RNF17: variants seen among roughly 807,000 people sequenced by gnomAD.
The protein encoded by RNF17 is ring finger protein 17.
Under a neutral mutation model 200.5 loss-of-function variants are expected in RNF17, and 31 were observed. The observed-to-expected ratio is 0.15, with a 90% CI of 0.12 to 0.21. The LOEUF is 0.21. Ranked by LOEUF, RNF17 falls within the 10% of genes least tolerant of loss-of-function variation. The pLI, the probability that RNF17 is intolerant of heterozygous loss-of-function variation, is 1.00. For synonymous variants in RNF17, 606 were observed against 637.8 expected, an observed-to-expected ratio of 0.95 and a Z score of 0.75; for missense variants, 1,628 against 1,905.1, an observed-to-expected ratio of 0.85 and a Z score of 2.71.
At chr13:24,850,623 T>C (rs1029667778) in intron 23 of RNF17, among the ~76,000 whole-genome samples, 180 bp downstream of exon 23, 3 of 152,244 alleles carry the variant, frequency 2.0e-5, no homozygotes, top group Non-Finnish European at 4.4e-5. Flanking sequence ...AAATATTCTT[T>C]GCTTTCTTTT....
At chr13:24,820,121 CTTTTTTT>C (rs200683421) in intron 15 of RNF17, among the ~76,000 whole-genome samples, 18 of 113,316 alleles carry the variant, frequency 1.6e-4, no homozygotes, top group Non-Finnish European at 2.7e-4. Context: ...TTTCTTTTTT[CTTTTTTT>C]TTTTTTTTTT....
intron 15 of RNF17, among the ~76,000 whole-genome samples, chr13:24,812,074 A>G (rs1264935110): frequency 1.3e-5 from 2 of 150,942 alleles, no homozygotes; most frequent in Admixed American, 6.7e-5. Flanking sequence ...TTAAGTCTGC[A>G]GAGGTTACTG....
chr13:24,754,323 C>A, the RNF17 span, among the ~76,000 whole-genome samples: 1 of 151,964 alleles, frequency 6.6e-6, no homozygotes, highest in African/African-American at 2.4e-5. Context: ...TTGCTTTTGT[C>A]TTTTTCACAG....
intron 2 of RNF17, among the ~76,000 whole-genome samples, chr13:24,772,922 C>G (rs1336667974): frequency 1.3e-5 from 2 of 152,234 alleles, no homozygotes; most frequent in East Asian, 1.9e-4. Context: ...TGAACAGACA[C>G]TTCTTAAAAG....
chr13:24,826,851 G>A (rs1046628249), intron 16 of RNF17, among the ~76,000 whole-genome samples: 7 of 147,984 alleles, frequency 4.7e-5, no homozygotes, highest in Non-Finnish European at 9.0e-5. Context: ...ACCTGAGGTC[G>A]GGAGTTCGAG....
At chr13:24,815,340 A>T (rs539684017) in intron 15 of RNF17, among the ~76,000 whole-genome samples, 185 of 151,644 alleles carry the variant, frequency 1.2e-3, no homozygotes, top group African/African-American at 4.1e-3. Flanking sequence ...CAATTTGCTC[A>T]TTTACTAATG....
intron 17 of RNF17, among the ~76,000 whole-genome samples, 184 bp downstream of exon 17, chr13:24,830,783 C>T (rs895654257): frequency 6.6e-6 from 1 of 152,102 alleles, no homozygotes; most frequent in African/African-American, 2.4e-5. Flanking sequence ...GGCAAATAAG[C>T]GTATTAAACA....
intron 25 of RNF17, among the ~76,000 whole-genome samples, chr13:24,854,817 G>T (rs3843681): frequency 0.42 from 63,149 of 151,862 alleles, 13,179 homozygotes; most frequent in Admixed American, 0.45. Flanking sequence ...ACTATAAAAT[G>T]TTATTTATGT....
At chr13:24,763,369 ATTTTTTT>A (rs34750040), upstream of RNF17, among the ~76,000 whole-genome samples, 193 of 114,696 alleles carry the variant, frequency 1.7e-3, 1 homozygote, top group African/African-American at 5.2e-3. Context: ...CGTCCGGCTA[ATTTTTTT>A]TTTTTTTTTT....
intron 16 of RNF17, among the ~76,000 whole-genome samples, chr13:24,827,724 A>AAAAAAAAAAAAAAAAAAAG (rs1888884468): frequency 6.7e-6 from 1 of 148,902 alleles, no homozygotes; most frequent in African/African-American, 2.5e-5. Context: ...AAAACAAAAA[A>AAAAAAAAAAAAAAAAAAAG]AAAAAAACAA....
chr13:24,807,962 G>A (rs1285592951), intron 15 of RNF17, among the ~76,000 whole-genome samples: 2 of 151,962 alleles, frequency 1.3e-5, no homozygotes, highest in Non-Finnish European at 2.9e-5. Context: ...TTGTAGATAT[G>A]CGGCGTTATT....
the RNF17 span, among the ~76,000 whole-genome samples, chr13:24,887,613 TC>T: frequency 6.6e-6 from 1 of 152,062 alleles, no homozygotes; most frequent in African/African-American, 2.4e-5. Flanking sequence ...AGCTCAGGGC[TC>T]CCCCTGATTC....
At chr13:24,871,633 CT>C (rs143831233) in intron 32 of RNF17, among the ~76,000 whole-genome samples, 19,861 of 127,706 alleles carry the variant, frequency 0.16, 1,280 homozygotes, top group African/African-American at 0.23. Context: ...CTTGCCCAGC[CT>C]TTTTTTTTTT....
Position 24,877,000 on chromosome 13 carries a change from G to A in RNF17, c.4587G>A (p.Leu1529=), listed in dbSNP as rs544053619. 19 of 1,590,390 alleles carry A rather than the reference G, an allele frequency of 1.2e-5. No homozygotes were observed. Among genetic ancestry groups the A allele is most frequent in the Non-Finnish European group, 1.3e-5 (15 of 1,172,580 alleles). The change falls in exon 34 of 36, where the codon CTG becomes CTA. Residue 1529 remains leucine (L), a synonymous_variant. Transcript: ENST00000255324. ...GSTAKLTLNR[L]CQIPSHLMRY... ...GTAAGAATTTCTTTTGTGACAGACT[G>A]TGCCAAATTCCTTCTCATCTTATGC...
intron 11 of RNF17, among the ~76,000 whole-genome samples, chr13:24,796,567 A>G (rs925939144): frequency 6.6e-6 from 1 of 152,154 alleles, no homozygotes; most frequent in Non-Finnish European, 1.5e-5. Context: ...GACCCATGAC[A>G]GATTATATAG....
intron 1 of RNF17, 139 bp downstream of exon 1, chr13:24,764,472 C>T: frequency 1.6e-6 from 2 of 1,235,352 alleles, no homozygotes; most frequent in Non-Finnish European, 2.1e-6. Context: ...AGGCCTCCCG[C>T]GAGCTGCACC....
At chr13:24,825,017 A>G (rs547476439) in intron 15 of RNF17, among the ~76,000 whole-genome samples, 10 of 151,048 alleles carry the variant, frequency 6.6e-5, no homozygotes, top group African/African-American at 2.2e-4. Context: ...ACCTTACTCT[A>G]TGGAAGAATA....
intron 24 of RNF17, among the ~76,000 whole-genome samples, chr13:24,852,926 T>G (rs1265923574): frequency 6.6e-6 from 1 of 152,092 alleles, no homozygotes; most frequent in East Asian, 1.9e-4. Context: ...GATTGATTGA[T>G]TGATTGAGAC....
chr13:24,852,944 CA>C (rs1892097275), intron 24 of RNF17, among the ~76,000 whole-genome samples: 5 of 152,242 alleles, frequency 3.3e-5, no homozygotes, highest in South Asian at 4.1e-4. Context: ...GACAGAGTCT[CA>C]TTCTGTTGCC....
Sources: allele counts gnomAD v4.1 joint callset (sites outside exome capture counted in the v4.1 genomes callset), GRCh38; gene constraint gnomAD v4.1.1; transcripts MANE v1.5; gene names NCBI Gene and HGNC (gene_info 2026-07-23, HGNC 2026-07-21).